NCOA7: variants seen among roughly 807,000 people sequenced by gnomAD.
NCOA7 encodes the protein nuclear receptor coactivator 7, also known as 140 kDa estrogen receptor-associated protein.
Under a neutral mutation model 104.3 loss-of-function variants are expected in NCOA7, and 45 were observed. The ratio of observed to expected loss-of-function variants is 0.43; its 90% CI spans 0.34 to 0.55. The LOEUF is 0.55. Ranked by LOEUF, NCOA7 falls within the 20% of genes least tolerant of loss-of-function variation. NCOA7 has a pLI of 0.02. For synonymous variants in NCOA7, 398 were observed against 402.3 expected (o/e 0.99, Z 0.13); for missense variants, 1,041 against 1,119.7 (o/e 0.93, Z 1.00).
chr6:125,876,691 A>G (rs537442827), intron 4 of NCOA7, among the ~76,000 whole-genome samples: 1 of 151,952 alleles, frequency 6.6e-6, no homozygotes, highest in African/African-American at 2.4e-5. Flanking sequence ...TCTCTGTTTC[A>G]TGTTATGGAG....
chr6:125,880,521 T>G (rs1262311586), intron 5 of NCOA7, among the ~76,000 whole-genome samples: 1 of 150,306 alleles, frequency 6.7e-6, no homozygotes, highest in African/African-American at 2.5e-5. Flanking sequence ...TTATTTATAT[T>G]TTATTTTATT....
intron 3 of NCOA7, among the ~76,000 whole-genome samples, chr6:125,862,250 C>G (rs1356517307): frequency 7.4e-6 from 1 of 135,776 alleles, no homozygotes; most frequent in Non-Finnish European, 1.6e-5. Context: ...CTTAGTTAGG[C>G]AGAATTATGG....
chr6:125,915,533 G>A, intron 11 of NCOA7, 53 bp downstream of exon 11: 1 of 1,604,444 alleles, frequency 6.2e-7, no homozygotes, highest in Non-Finnish European at 8.5e-7. Context: ...ACAGTAAGCA[G>A]TCTCGCATTC....
At chr6:125,857,509 C>T (rs1166056528) in intron 3 of NCOA7, among the ~76,000 whole-genome samples, 2 of 151,810 alleles carry the variant, frequency 1.3e-5, no homozygotes, top group Non-Finnish European at 2.9e-5. Context: ...TAGTCTCGAG[C>T]AGTCTTCCGG....
intron 11 of NCOA7, among the ~76,000 whole-genome samples, chr6:125,916,945 A>G (rs1279949606): frequency 2.6e-5 from 4 of 152,190 alleles, no homozygotes; most frequent in South Asian, 2.1e-4. Flanking sequence ...TTCCAGCACT[A>G]TTTAATGATT....
intron 1 of NCOA7, among the ~76,000 whole-genome samples, chr6:125,793,891 G>A (rs1157805329): frequency 6.6e-6 from 1 of 152,146 alleles, no homozygotes; most frequent in African/African-American, 2.4e-5. Flanking sequence ...AAATGCATTT[G>A]TTTCTGTACA....
chr6:125,926,361 A>G (rs572990910), intron 13 of NCOA7, among the ~76,000 whole-genome samples: 24 of 152,184 alleles, frequency 1.6e-4, no homozygotes, highest in Admixed American at 1.4e-3. Flanking sequence ...AAAAAAGAAA[A>G]TATTTAAAAT....
chr6:125,905,509 G>C (rs1055356778), intron 10 of NCOA7, among the ~76,000 whole-genome samples: 2 of 152,128 alleles, frequency 1.3e-5, no homozygotes, highest in African/African-American at 4.8e-5. Flanking sequence ...TGATCTGCCT[G>C]CTTCGGCCTC....
At chr6:125,891,990 G>A (rs1784654445) in intron 10 of NCOA7, among the ~76,000 whole-genome samples, 1 of 152,126 alleles carries the variant, frequency 6.6e-6, no homozygotes, top group Non-Finnish European at 1.5e-5. Flanking sequence ...TTCAACAGAA[G>A]CAGTGCAGAT....
At chr6:125,920,641 A>G (rs1309068988) in intron 11 of NCOA7, among the ~76,000 whole-genome samples, 2 of 152,202 alleles carry the variant, frequency 1.3e-5, no homozygotes, top group African/African-American at 4.8e-5. Flanking sequence ...CCTGGGCTCA[A>G]GCCATCTTCC....
At chr6:125,798,814 A>G (rs933815409) in intron 1 of NCOA7, among the ~76,000 whole-genome samples, 12 of 152,284 alleles carry the variant, frequency 7.9e-5, no homozygotes, top group African/African-American at 2.9e-4. Flanking sequence ...ACATTATTAC[A>G]ATTATGTATC....
chr6:125,886,532 G>A (rs187143020), intron 8 of NCOA7, among the ~76,000 whole-genome samples: 111 of 152,326 alleles, frequency 7.3e-4, no homozygotes, highest in African/African-American at 2.1e-3. Context: ...AAGGGATAAT[G>A]CCATGATTAC....
chr6:125,928,954 A>T lies in NCOA7; in HGVS notation c.*183A>T, dbSNP rs13191039. ...TCTGGAAGGTCCATGTAGAGGGCAG[A>T]CATTGAAGAAAGAAACTTAAAATCC... On this transcript the variant is annotated 3_prime_UTR_variant, in exon 16 of 16. Coordinates refer to ENST00000392477, the MANE Select transcript of NCOA7 (RefSeq NM_181782.5). 7.4e-6 allele frequency: 4 copies of T among 539,914 alleles called. No homozygotes were observed. The highest frequency in any genetic ancestry group is 2.0e-5 in the African/African-American group (1 of 51,008). 33.4% of individuals were successfully genotyped at this position (539,914 alleles called of 1,614,324 possible). A position where few individuals can be genotyped will look rare whatever the true frequency, so the allele number is the denominator to read the frequency against.
rs1472603840 is a variant in NCOA7, at chr6:125,929,952, T to C, written c.*1181T>C. The C allele has an allele frequency of 1.3e-5, 2 of 152,222 alleles. No homozygotes were observed. The highest frequency in any genetic ancestry group is 2.9e-5 in the Non-Finnish European group (2 of 68,042). 9.4% of individuals were successfully genotyped at this position (152,222 alleles called of 1,614,324 possible). Reference sequence around the variant, plus strand: ...CCAATTGTCTTGGTTTCTTGATTCATTTATTTGAGAAAAAAACAATACAAA... The same window carrying C: ...CCAATTGTCTTGGTTTCTTGATTCACTTATTTGAGAAAAAAACAATACAAA... On this transcript the variant is annotated 3_prime_UTR_variant, in exon 16 of 16. Transcript: ENST00000392477.
intron 3 of NCOA7, 41 bp downstream of exon 3, chr6:125,855,281 A>T (rs539805326): frequency 1.4e-6 from 2 of 1,451,712 alleles, no homozygotes; most frequent in African/African-American, 2.8e-5. Context: ...TCATTTAAAA[A>T]ATCTATAAGA....
chr6:125,851,890 C>CT (rs376908015), intron 2 of NCOA7, among the ~76,000 whole-genome samples: 11,422 of 146,432 alleles, frequency 0.078, 476 homozygotes, highest in Non-Finnish European at 0.097. Flanking sequence ...CATTGTATAT[C>CT]TTTTTTTTTT....
At chr6:125,869,384 C>G (rs1782694490) in intron 3 of NCOA7, among the ~76,000 whole-genome samples, 1 of 152,142 alleles carries the variant, frequency 6.6e-6, no homozygotes, top group East Asian at 1.9e-4. Flanking sequence ...ACTCAAAAAT[C>G]TCTTATTTGA....
chr6:125,922,651 T>G, intron 12 of NCOA7, 31 bp from the exon 13 acceptor site: 1 of 1,597,336 alleles, frequency 6.3e-7, no homozygotes, highest in Non-Finnish European at 8.5e-7. Flanking sequence ...GGGTGAACCT[T>G]CTGTTTACAT....
intron 10 of NCOA7, among the ~76,000 whole-genome samples, chr6:125,908,095 T>G (rs1786193333): frequency 6.6e-6 from 1 of 152,090 alleles, no homozygotes; most frequent in African/African-American, 2.4e-5. Context: ...GAGCCTAGAT[T>G]TACTACTCAC....
Sources: gnomAD v4.1 joint callset for allele counts (sites outside exome capture counted in the v4.1 genomes callset) on GRCh38, gnomAD v4.1.1 for gene constraint, MANE v1.5 for transcripts, NCBI Gene and HGNC (gene_info 2026-07-23, HGNC 2026-07-21) for gene names.